The following DSCAM variants were observed in gnomAD, a reference collection of about 807,000 sequenced individuals.
The protein encoded by DSCAM is cell adhesion molecule DSCAM.
A neutral mutation model predicts 217.7 loss-of-function variants in DSCAM; 47 were observed. The observed-to-expected ratio is 0.22, with a 90% CI of 0.17 to 0.28. DSCAM has a LOEUF of 0.28. Among genes scored for constraint, DSCAM ranks in the 10% least tolerant of loss-of-function variants. The pLI is 1.00. For synonymous variants in DSCAM, 1,056 were observed against 1,015.3 expected, an observed-to-expected ratio of 1.04 and a Z score of -0.76; for missense variants, 2,080 against 2,618.3, an observed-to-expected ratio of 0.79 and a Z score of 4.49.
chr21:40,029,382 G>T (rs947827218), intron 32 of DSCAM, among the ~76,000 whole-genome samples: 2 of 151,360 alleles, frequency 1.3e-5, no homozygotes, highest in Non-Finnish European at 2.9e-5. Context: ...CCAGACACAA[G>T]GTTATGAGTT....
chr21:40,802,666 C>A (rs755040813), intron 1 of DSCAM, among the ~76,000 whole-genome samples: 5 of 152,134 alleles, frequency 3.3e-5, no homozygotes, highest in Non-Finnish European at 5.9e-5. Context: ...GCATTTGTGG[C>A]TTCGTAACAG....
chr21:40,519,860 G>A (rs892192233), intron 3 of DSCAM, among the ~76,000 whole-genome samples: 10 of 144,632 alleles, frequency 6.9e-5, no homozygotes, highest in African/African-American at 2.4e-4. Context: ...CTGTGTGTGT[G>A]TATGCGTGTG....
chr21:40,544,623 C>A (rs917554597), intron 3 of DSCAM, among the ~76,000 whole-genome samples: 1 of 152,148 alleles, frequency 6.6e-6, no homozygotes, highest in Non-Finnish European at 1.5e-5. Context: ...AAATAATCCT[C>A]CTCTAGAGCT....
At chr21:40,185,124 G>A (rs1054042654) in intron 14 of DSCAM, among the ~76,000 whole-genome samples, 4 of 152,144 alleles carry the variant, frequency 2.6e-5, no homozygotes, top group African/African-American at 9.7e-5. Flanking sequence ...GCATTAATCA[G>A]CATATTTGTC....
At chr21:40,394,979 A>G (rs1413768386) in intron 3 of DSCAM, among the ~76,000 whole-genome samples, 1 of 152,244 alleles carries the variant, frequency 6.6e-6, no homozygotes, top group East Asian at 1.9e-4. Context: ...TAAGGAAGTA[A>G]AGGTAGAATT....
At chr21:40,305,410 G>A (rs1345937215) in intron 9 of DSCAM, among the ~76,000 whole-genome samples, 4 of 140,206 alleles carry the variant, frequency 2.9e-5, no homozygotes, top group Non-Finnish European at 4.5e-5. Context: ...AAAAAAAAAG[G>A]AAGAAAAGAA....
intron 1 of DSCAM, among the ~76,000 whole-genome samples, chr21:40,736,641 A>G (rs1164307450): frequency 1.3e-5 from 2 of 152,156 alleles, no homozygotes; most frequent in Non-Finnish European, 2.9e-5. Flanking sequence ...ATTAGAACAA[A>G]AGAGGCTTCC....
At chr21:40,205,498 G>A (rs573799164) in intron 11 of DSCAM, among the ~76,000 whole-genome samples, 46 of 151,962 alleles carry the variant, frequency 3.0e-4, no homozygotes, top group African/African-American at 1.0e-3. Flanking sequence ...AGCTACTCAG[G>A]AGGCTGAGGC....
intron 3 of DSCAM, among the ~76,000 whole-genome samples, chr21:40,478,406 A>C (rs2075955205): frequency 6.6e-6 from 1 of 152,196 alleles, no homozygotes; most frequent in African/African-American, 2.4e-5. Context: ...GCTTTGCCAT[A>C]GGGTAGGCAC....
intron 11 of DSCAM, among the ~76,000 whole-genome samples, chr21:40,222,473 T>C (rs951896451): frequency 2.6e-5 from 4 of 152,304 alleles, no homozygotes; most frequent in Middle Eastern, 3.4e-3. Flanking sequence ...TGGTAGAGTA[T>C]CAAAGAGCAA....
intron 1 of DSCAM, among the ~76,000 whole-genome samples, chr21:40,713,126 AC>A (rs1264392257): frequency 6.6e-6 from 1 of 152,190 alleles, no homozygotes; most frequent in Non-Finnish European, 1.5e-5. Context: ...TTGAAGACCT[AC>A]ACCTCCTTGG....
At chr21:40,405,825 C>T (rs552361318) in intron 3 of DSCAM, among the ~76,000 whole-genome samples, 1 of 152,120 alleles carries the variant, frequency 6.6e-6, no homozygotes, top group African/African-American at 2.4e-5. Context: ...AGCGAAACCC[C>T]GTCTCTACTA....
At chr21:40,255,234 G>A (rs961163309) in intron 11 of DSCAM, among the ~76,000 whole-genome samples, 1 of 152,140 alleles carries the variant, frequency 6.6e-6, no homozygotes, top group Non-Finnish European at 1.5e-5. Context: ...AGAGAGTGGT[G>A]ACTCAGACAG....
At chr21:40,191,978 CATAT>C (rs990781156) in intron 11 of DSCAM, among the ~76,000 whole-genome samples, 4 of 152,134 alleles carry the variant, frequency 2.6e-5, no homozygotes, top group African/African-American at 9.7e-5. Context: ...ACTCTATTTC[CATAT>C]AAGGTCATAT....
chr21:40,613,087 T>C (rs1319608566), intron 3 of DSCAM, among the ~76,000 whole-genome samples: 1 of 152,200 alleles, frequency 6.6e-6, no homozygotes, highest in East Asian at 1.9e-4. Flanking sequence ...AAAATCTCTA[T>C]TGATTCAGCC....
At chr21:40,087,638 G>T (rs1002746536) in intron 21 of DSCAM, among the ~76,000 whole-genome samples, 7 of 152,116 alleles carry the variant, frequency 4.6e-5, no homozygotes, top group African/African-American at 1.7e-4. Context: ...CACAAAAACT[G>T]CTCATTAAAA....
rs145135716 is a variant in DSCAM, at chr21:40,506,033, G to A, written c.509-136788C>T. On this transcript the variant is annotated intron_variant, in intron 3 of 32. Coordinates refer to ENST00000400454, the MANE Select transcript of DSCAM (RefSeq NM_001389.5). The stretch of plus-strand genomic sequence containing the variant: ...AAGTCACTGCTGCAAAGTGAACCAC[G>A]GATATGATACTCTTAAACTGACTTG... Among the ~76,000 whole-genome samples, 5 of 152,238 alleles carry A rather than the reference G, an allele frequency of 3.3e-5. No individual in the cohort carries two copies. In the East Asian group the frequency reaches 5.8e-4, roughly 18 times the overall value.
chr21:40,545,325 G>A (rs1311469954), intron 3 of DSCAM, among the ~76,000 whole-genome samples: 1 of 152,128 alleles, frequency 6.6e-6, no homozygotes, highest in African/African-American at 2.4e-5. Flanking sequence ...AGTTGACCAA[G>A]GACCTACAAA....
chr21:40,540,900 A>AT (rs879593036), intron 3 of DSCAM, among the ~76,000 whole-genome samples: 3,428 of 149,478 alleles, frequency 0.023, 130 homozygotes, highest in African/African-American at 0.076. Context: ...TGTTTGGGGT[A>AT]TTTTTTTTTT....
Sources: gnomAD v4.1 joint callset for allele counts (sites outside exome capture counted in the v4.1 genomes callset) on GRCh38, gnomAD v4.1.1 for gene constraint, MANE v1.5 for transcripts, NCBI Gene and HGNC (gene_info 2026-07-23, HGNC 2026-07-21) for gene names.